Variants in STXBP4 observed in about 807,000 individuals in gnomAD.
STXBP4 encodes the protein syntaxin-binding protein 4.
STXBP4 carries 55 observed loss-of-function variants against 76.1 expected under a neutral mutation model. The observed-to-expected ratio is 0.72, with a 90% CI of 0.58 to 0.91. The LOEUF (loss-of-function observed/expected upper bound fraction) is 0.91, where lower values mean the gene tolerates loss of function less well. STXBP4 is among the 40% of genes least tolerant of loss of function. The probability of loss-of-function intolerance (pLI) is 0.00; values close to 1 mark genes in which losing one functional copy is unlikely to be tolerated. For missense variants in STXBP4, 618 were observed against 636.9 expected, an observed-to-expected ratio of 0.97 and a Z score of 0.32; for synonymous variants, 201 against 220.2, an observed-to-expected ratio of 0.91 and a Z score of 0.77.
chr17:55,127,664 A>G (rs2079927838), intron 16 of STXBP4, among the ~76,000 whole-genome samples: 1 of 152,212 alleles, frequency 6.6e-6, no homozygotes, highest in Non-Finnish European at 1.5e-5. Context: ...ATTTGAAAAA[A>G]TAACCCTCTA....
chr17:54,982,697 A>C (rs1298270089), intron 1 of STXBP4, among the ~76,000 whole-genome samples: 1 of 151,994 alleles, frequency 6.6e-6, no homozygotes, highest in Non-Finnish European at 1.5e-5. Context: ...GTTTGTATAA[A>C]GAGAGAGTAG....
chr17:55,143,323 T>A lies in STXBP4; in HGVS notation c.1547+1956T>A, dbSNP rs562773825. 7.9e-5 allele frequency among the ~76,000 whole-genome samples: 12 copies of A among 152,230 alleles called. No individual in the cohort carries two copies. In the East Asian group the frequency reaches 2.3e-3, roughly 29 times the overall value. On this transcript the variant is annotated intron_variant, in intron 17 of 17. Transcript: ENST00000376352. ...AATTAGCATTCATTATTAACTGGGG[T>A]TCTGCATTCAGGATCCTTTGAAATG...
intron 10 of STXBP4, among the ~76,000 whole-genome samples, chr17:55,036,301 T>G (rs1009141443): frequency 6.6e-6 from 1 of 151,876 alleles, no homozygotes; most frequent in Non-Finnish European, 1.5e-5. Context: ...TTTATAAATT[T>G]AAGTTTCTGT....
intron 12 of STXBP4, among the ~76,000 whole-genome samples, chr17:55,062,327 A>C (rs1206480407): frequency 6.6e-6 from 1 of 152,104 alleles, no homozygotes; most frequent in Non-Finnish European, 1.5e-5. Flanking sequence ...CTTTTGAGTA[A>C]GAACATGCAG....
At chr17:55,037,338 A>G (rs2144712463) in intron 10 of STXBP4, among the ~76,000 whole-genome samples, 1 of 152,290 alleles carries the variant, frequency 6.6e-6, no homozygotes, top group East Asian at 1.9e-4. Flanking sequence ...AGCCAATGAA[A>G]TAGGCAATTC....
intron 8 of STXBP4, among the ~76,000 whole-genome samples, chr17:55,017,339 T>C (rs1208641096): frequency 6.6e-6 from 1 of 152,070 alleles, no homozygotes; most frequent in Non-Finnish European, 1.5e-5. Flanking sequence ...GGATCCTACA[T>C]AACTGCCCAT....
At chr17:55,111,947 ACT>A (rs1224443221) in intron 16 of STXBP4, among the ~76,000 whole-genome samples, 1 of 151,612 alleles carries the variant, frequency 6.6e-6, no homozygotes, top group African/African-American at 2.4e-5. Flanking sequence ...AGATGATCTA[ACT>A]CTGTCACCCA....
chr17:54,985,610 A>C lies in STXBP4; in HGVS notation c.-156-4A>C, dbSNP rs757508340. ...ATTAAAAGCATATTTTTTTCTCTTCATAGGAAAGCCATTTAAGAAGTTCCT... is the reference window on the plus strand; with the variant it reads ...ATTAAAAGCATATTTTTTTCTCTTCCTAGGAAAGCCATTTAAGAAGTTCCT... On this transcript the variant is annotated splice_region_variant and splice_polypyrimidine_tract_variant and intron_variant, in intron 1 of 17. Transcript: ENST00000376352. The C allele has an allele frequency of 2.0e-5, 3 of 152,256 alleles. No individual in the cohort carries two copies. Among genetic ancestry groups the C allele is most frequent in the Non-Finnish European group, 4.4e-5 (3 of 68,048 alleles). 9.4% of individuals were successfully genotyped at this position (152,256 alleles called of 1,614,324 possible). A position where few individuals can be genotyped will look rare whatever the true frequency, so the allele number is the denominator to read the frequency against.
chr17:55,066,356 C>T (rs548289459), intron 12 of STXBP4, among the ~76,000 whole-genome samples: 8 of 151,880 alleles, frequency 5.3e-5, no homozygotes, highest in East Asian at 1.9e-4. Flanking sequence ...CCCAAGTAGC[C>T]GGGGTTACAG....
chr17:55,186,558 A>G, the STXBP4 span, among the ~76,000 whole-genome samples: 1 of 152,218 alleles, frequency 6.6e-6, no homozygotes, highest in Non-Finnish European at 1.5e-5. Flanking sequence ...TAAAGGATGT[A>G]TGATGGTTCA....
chr17:55,174,041 C>T (rs1315186912), downstream of STXBP4, among the ~76,000 whole-genome samples: 1 of 152,208 alleles, frequency 6.6e-6, no homozygotes, highest in Non-Finnish European at 1.5e-5. Flanking sequence ...CTCTCTCTGA[C>T]CCAACCATGA....
intron 13 of STXBP4, among the ~76,000 whole-genome samples, chr17:55,076,871 C>A (rs2079189757): frequency 6.6e-6 from 1 of 152,060 alleles, no homozygotes; most frequent in Non-Finnish European, 1.5e-5. Flanking sequence ...TGAGAAGTTT[C>A]TTTACCTCTG....
In STXBP4 at chr17:55,058,143, A is replaced by G. The variant is rs192956497; in HGVS notation, c.1011+10989A>G. 1.1e-4 allele frequency among the ~76,000 whole-genome samples: 16 copies of G among 152,286 alleles called. 1 individual carries two copies. Among genetic ancestry groups the G allele is most frequent in the East Asian group, 7.7e-4 (4 of 5,180 alleles). ...AGGAATCGCCACACTGTCTTCCACA[A>G]TGGTTGAACTAATTTACACTCCCAC... On this transcript the variant is annotated intron_variant, in intron 12 of 17. Coordinates refer to ENST00000376352, the MANE Select transcript of STXBP4 (RefSeq NM_178509.6).
At chr17:54,997,614 AT>A (rs550464094) in intron 4 of STXBP4, among the ~76,000 whole-genome samples, 2 of 145,634 alleles carry the variant, frequency 1.4e-5, no homozygotes, top group Admixed American at 6.9e-5. Context: ...ATATATATAT[AT>A]TTTTTTTGAG....
In STXBP4 at chr17:54,999,435, A is replaced by G. The variant is rs551669898; in HGVS notation, c.271A>G (p.Thr91Ala). The G allele has an allele frequency of 2.5e-6, 4 of 1,612,292 alleles. No individual in the cohort carries two copies. The highest frequency in any genetic ancestry group is 2.5e-6 in the Non-Finnish European group (3 of 1,179,290). ...VSFEEAKSIITGAKLRLESAW... is the reference protein window; with the variant it reads ...VSFEEAKSIIAGAKLRLESAW... ...ATTTGAAGAAGCAAAAAGCATAATT[A>G]CCGGAGCCAAGTTGAGGTAACTATA... The change falls in exon 5 of 18, where the codon ACC (threonine) becomes GCC (alanine). Residue 91 changes from threonine (T) to alanine (A), a missense_variant. Physicochemically the swap from Thr to Ala is moderately conservative, Grantham distance 58 (BLOSUM62 0). Transcript: ENST00000376352.
At chr17:55,130,479 C>T (rs1235046448) in intron 16 of STXBP4, among the ~76,000 whole-genome samples, 3 of 152,132 alleles carry the variant, frequency 2.0e-5, no homozygotes, top group Non-Finnish European at 4.4e-5. Context: ...ATGATCAAAT[C>T]AGGCCAATTA....
At chr17:55,125,917 A>ACC (rs2145105740) in intron 16 of STXBP4, among the ~76,000 whole-genome samples, 1 of 152,148 alleles carries the variant, frequency 6.6e-6, no homozygotes, top group Non-Finnish European at 1.5e-5. Context: ...GGAGACAGAG[A>ACC]CCCCCAAATT....
At chr17:55,101,188 T>C (rs2079559582) in intron 16 of STXBP4, among the ~76,000 whole-genome samples, 1 of 152,178 alleles carries the variant, frequency 6.6e-6, no homozygotes, top group Non-Finnish European at 1.5e-5. Context: ...AGTGGGAAAA[T>C]GACCTTCACA....
chr17:55,090,383 C>A (rs1221224375), intron 16 of STXBP4, among the ~76,000 whole-genome samples: 1 of 152,064 alleles, frequency 6.6e-6, no homozygotes, highest in African/African-American at 2.4e-5. Flanking sequence ...CTCTGCGCAG[C>A]CACCTCTTGT....
Sources: allele counts gnomAD v4.1 joint callset (sites outside exome capture counted in the v4.1 genomes callset), GRCh38; gene constraint gnomAD v4.1.1; transcripts MANE v1.5; gene names NCBI Gene and HGNC (gene_info 2026-07-23, HGNC 2026-07-21).